MAP3K4: variants seen among roughly 807,000 people sequenced by gnomAD.
MAP3K4 encodes the protein mitogen-activated protein kinase kinase kinase 4.
Under a neutral mutation model 185.6 loss-of-function variants are expected in MAP3K4, and 67 were observed. The ratio of observed to expected loss-of-function variants is 0.36; its 90% CI spans 0.30 to 0.44. MAP3K4 has a LOEUF of 0.44. MAP3K4 is among the 20% of genes least tolerant of loss of function. The probability of loss-of-function intolerance (pLI) is 1.00; values close to 1 mark genes in which losing one functional copy is unlikely to be tolerated. For synonymous variants in MAP3K4, 702 were observed against 710.4 expected, an observed-to-expected ratio of 0.99 and a Z score of 0.19; for missense variants, 1,551 against 1,995.1, an observed-to-expected ratio of 0.78 and a Z score of 4.24.
intron 1 of MAP3K4, among the ~76,000 whole-genome samples, chr6:161,033,796 C>T (rs1783034740): frequency 6.6e-6 from 1 of 152,160 alleles, no homozygotes. Flanking sequence ...CTGTGTGTTT[C>T]AAAGACAGAA....
intron 15 of MAP3K4, among the ~76,000 whole-genome samples, chr6:161,095,692 G>A (rs1222576970): frequency 6.6e-6 from 1 of 152,212 alleles, no homozygotes; most frequent in East Asian, 1.9e-4. Context: ...CGTCATGAAT[G>A]TACTGTAATT....
rs759572040 is a variant in MAP3K4 at position 161,048,966 on chromosome 6, T to C, written c.694T>C (p.Leu232=). Residue 232 remains leucine (L), a synonymous_variant, in exon 3 of 27, where the codon TTG becomes CTG. Coordinates refer to ENST00000392142, the MANE Select transcript of MAP3K4 (RefSeq NM_005922.4). This position sits in a 1 kb window ranked among gnomAD's most constrained non-coding sequence, Gnocchi z 4.7. ...RLKFFETLRL[L]LKLTSVSKKK... Reference sequence around the variant, plus strand: ...AAAGTTTTTTGAAACTTTACGACTTTTGCTAAAGCTTACCTCAGTCTCAAA... The same window carrying C: ...AAAGTTTTTTGAAACTTTACGACTTCTGCTAAAGCTTACCTCAGTCTCAAA... 8.7e-6 allele frequency: 14 copies of C among 1,613,930 alleles called. No homozygotes were observed. The highest frequency in any genetic ancestry group is 1.2e-5 in the Non-Finnish European group (14 of 1,179,984).
intron 23 of MAP3K4, 43 bp from the exon 24 acceptor site, chr6:161,111,793 T>C (rs1178962856): frequency 1.9e-6 from 3 of 1,601,718 alleles, no homozygotes; most frequent in Non-Finnish European, 2.6e-6. Flanking sequence ...TTGCCCACAT[T>C]GTGTTTCAGA....
intron 1 of MAP3K4, among the ~76,000 whole-genome samples, chr6:160,992,527 C>T (rs566957102): frequency 6.6e-6 from 1 of 152,272 alleles, no homozygotes; most frequent in Admixed American, 6.5e-5. Context: ...TGGCTATTTC[C>T]CCGCGTTCTC....
chr6:161,059,960 CTG>C (rs1457550612), intron 3 of MAP3K4, among the ~76,000 whole-genome samples: 2 of 149,872 alleles, frequency 1.3e-5, no homozygotes, highest in Non-Finnish European at 3.0e-5. Context: ...TTTCTATTTT[CTG>C]TGTCTTCTCT....
In MAP3K4 at chr6:161,116,874, C is replaced by G. The variant is rs868174237; in HGVS notation, c.*4C>G. On this transcript the variant is annotated 3_prime_UTR_variant, in exon 27 of 27. Transcript: ENST00000392142. This position sits in a 1 kb window ranked among gnomAD's most constrained non-coding sequence, Gnocchi z 6.2. ...GGTTTGCACAGATGAAGAATGAAGC[C>G]TAGTAGAATATGGACTTGGAAAATT... 4 of 1,613,740 alleles carry G rather than the reference C, an allele frequency of 2.5e-6. No homozygotes were observed. Among genetic ancestry groups the G allele is most frequent in the Middle Eastern group, 1.6e-4 (1 of 6,062 alleles).
chr6:161,092,011 A>T lies in MAP3K4; in HGVS notation c.3137A>T (p.Tyr1046Phe). The change falls in exon 13 of 27, where the codon TAT becomes TTT. Residue 1046 changes from tyrosine to phenylalanine, a missense_variant and splice_region_variant. This residue lies in a region of MAP3K4 where 261 missense variants were observed against 306.5 expected (regional missense o/e 0.85). Transcript: ENST00000392142. ...GATATACATGAAATCTTCTTACAGT[A>T]TCATAAAGAAGTTGTTCGTTTGATG... ...MIQGYNFGFE[Y>F]HKEVVRLMSG... 1 of 1,609,416 alleles carries T rather than the reference A, an allele frequency of 6.2e-7. No individual in the cohort carries two copies.
In MAP3K4 at chr6:161,082,382, A is replaced by T. The variant is rs1012937880; in HGVS notation, c.2255+1344A>T. Among the ~76,000 whole-genome samples the T allele has an allele frequency of 2.0e-5, 3 of 151,846 alleles. No individual in the cohort carries two copies. Among genetic ancestry groups the T allele is most frequent in the African/African-American group, 7.3e-5 (3 of 41,258 alleles). Reference sequence around the variant, plus strand: ...TACTCTTTAGTTTCACTACAAATTCATGTTGTTTAGTGTCACTGTACCCTC... The same window carrying T: ...TACTCTTTAGTTTCACTACAAATTCTTGTTGTTTAGTGTCACTGTACCCTC... On this transcript the variant is annotated intron_variant, in intron 6 of 26. Transcript: ENST00000392142. The surrounding 1 kb of genome is among the most constrained non-coding windows in gnomAD (Gnocchi z 4.2).
At chr6:161,041,932 T>TC (rs1377208657) in intron 2 of MAP3K4, among the ~76,000 whole-genome samples, 5,231 of 134,960 alleles carry the variant, frequency 0.039, 115 homozygotes, top group Non-Finnish European at 0.05. Context: ...TTTTCTTTTT[T>TC]TTTTTTTTAG....
At chr6:161,002,073 G>GTTTTT (rs1781349615) in intron 1 of MAP3K4, among the ~76,000 whole-genome samples, 1 of 126,966 alleles carries the variant, frequency 7.9e-6, no homozygotes, top group South Asian at 2.4e-4. Context: ...TTTTTTTTTG[G>GTTTTT]ATCTAGCTTT....
chr6:161,004,627 C>T (rs1210688078), intron 1 of MAP3K4, among the ~76,000 whole-genome samples: 2 of 151,974 alleles, frequency 1.3e-5, no homozygotes, highest in Non-Finnish European at 2.9e-5. Context: ...TAAAAGTTGC[C>T]AGGAGATTTG....
chr6:161,078,794 G>T (rs991000618), intron 5 of MAP3K4, among the ~76,000 whole-genome samples: 1 of 152,206 alleles, frequency 6.6e-6, no homozygotes, highest in Non-Finnish European at 1.5e-5. Flanking sequence ...GATGAAGGCC[G>T]ATTAGAAGTC....
At position 161,108,646 on chromosome 6, in the gene MAP3K4, A is replaced by G. The variant is rs2272197; in HGVS notation, c.4120-97A>G. 1.5e-5 allele frequency: 11 copies of G among 738,132 alleles called. No homozygotes were observed. The highest frequency in any genetic ancestry group is 5.0e-5 in the South Asian group (3 of 60,266). The allele number at this position is 738,132 out of a possible 1,614,324, so 45.7% of individuals were successfully genotyped here. On this transcript the variant is annotated intron_variant, in intron 21 of 26. Transcript: ENST00000392142. The surrounding 1 kb of genome is among the most constrained non-coding windows in gnomAD (Gnocchi z 5.7). Reference sequence around the variant, plus strand: ...TTTTTAATTGACAAATCATGATTACATATATTTATGGGGTGCAAAATGATG... The same window carrying G: ...TTTTTAATTGACAAATCATGATTACGTATATTTATGGGGTGCAAAATGATG...
intron 1 of MAP3K4, among the ~76,000 whole-genome samples, chr6:161,020,677 A>T (rs1473156267): frequency 1.3e-5 from 2 of 150,796 alleles, no homozygotes; most frequent in Non-Finnish European, 3.0e-5. Flanking sequence ...AAAAAAAACA[A>T]GAAAGAGAAA....
Position 161,112,782 on chromosome 6 carries a change from G to A in MAP3K4, c.4626+8G>A. The A allele has an allele frequency of 6.3e-7, 1 of 1,576,834 alleles. No individual in the cohort carries two copies. The highest frequency in any genetic ancestry group is 8.6e-7 in the Non-Finnish European group (1 of 1,163,308). On this transcript the variant is annotated splice_region_variant and intron_variant, in intron 25 of 26. Transcript: ENST00000392142. This position sits in a 1 kb window ranked among gnomAD's most constrained non-coding sequence, Gnocchi z 5.1. ...GAGATGGTGACTGGCAAGGTAAGCG[G>A]AGCCCCCACACCTGGCGGAGCAACT... is the stretch of plus-strand genomic sequence containing the variant.
Position 161,092,126 on chromosome 6 carries a change from T to C in MAP3K4, c.3252T>C (p.Gly1084=). 2.5e-6 allele frequency: 4 copies of C among 1,613,762 alleles called. No individual in the cohort carries two copies. The highest frequency in any genetic ancestry group is 3.4e-6 in the Non-Finnish European group (4 of 1,179,852). ...ATGTCCTGACTAAATGTGAGAGTGG[T>C]AGAGGTACAAGACCCAGGTAATGAC... is the stretch of plus-strand genomic sequence containing the variant. ...MNYVLTKCES[G]RGTRPRWATQ... The change falls in exon 13 of 27, where the codon GGT becomes GGC. Residue 1084 remains glycine (G), a synonymous_variant. Transcript: ENST00000392142.
rs1780974602 is a variant in MAP3K4, at chr6:160,996,044, C to T, written c.152+3961C>T. ...TCCTACTAAAAAACTAGTTGAATGT[C>T]GTCACTCCTAGGCAATTTGCTCTGC... is the stretch of plus-strand genomic sequence containing the variant. On this transcript the variant is annotated intron_variant, in intron 1 of 26. Transcript: ENST00000392142. The surrounding 1 kb of genome is among the most constrained non-coding windows in gnomAD (Gnocchi z 4.5). 6.6e-6 allele frequency among the ~76,000 whole-genome samples: 1 copy of T among 152,106 alleles called. No homozygotes were observed. The highest frequency in any genetic ancestry group is 6.5e-5 in the Admixed American group (1 of 15,282).
chr6:161,017,774 A>G lies in MAP3K4; in HGVS notation c.153-16485A>G, dbSNP rs188352332. Among the ~76,000 whole-genome samples the G allele has an allele frequency of 1.5e-3, 227 of 152,298 alleles. 1 individual carries two copies. Among genetic ancestry groups the G allele is most frequent in the East Asian group, 4.1e-3 (21 of 5,182 alleles). On this transcript the variant is annotated intron_variant, in intron 1 of 26. Transcript: ENST00000392142. The surrounding 1 kb of genome is among the most constrained non-coding windows in gnomAD (Gnocchi z 5.1). ...AAAGACACTGCTGTGTGATCCTATT[A>G]TATAATACTTAGCTACATCATGTAA... is the stretch of plus-strand genomic sequence containing the variant.
intron 2 of MAP3K4, among the ~76,000 whole-genome samples, chr6:161,035,680 G>T (rs933370253): frequency 6.6e-6 from 1 of 152,078 alleles, no homozygotes; most frequent in Non-Finnish European, 1.5e-5. Flanking sequence ...ATCATTTATT[G>T]TACATTTTCT....
Sources: gnomAD v4.1 joint callset for allele counts (sites outside exome capture counted in the v4.1 genomes callset) on GRCh38, gnomAD v4.1.1 for gene constraint, gnomAD v4.1.1 regional missense constraint, Gnocchi (gnomAD v3.1) non-coding constraint, MANE v1.5 for transcripts, NCBI Gene and HGNC (gene_info 2026-07-23, HGNC 2026-07-21) for gene names.